Variants in COL9A3 observed in about 807,000 individuals in gnomAD.
The protein encoded by COL9A3 is collagen alpha-3(IX) chain.
COL9A3 carries 82 observed loss-of-function variants against 110.2 expected under a neutral mutation model. The ratio of observed to expected loss-of-function variants is 0.74; its 90% CI spans 0.62 to 0.89. The LOEUF (loss-of-function observed/expected upper bound fraction) is 0.89, where lower values mean the gene tolerates loss of function less well. Ranked by LOEUF, COL9A3 falls within the 40% of genes least tolerant of loss-of-function variation. The pLI is 0.00. For missense variants in COL9A3, 1,066 were observed against 981.3 expected (o/e 1.09, Z -1.15); for synonymous variants, 494 against 403.8 (o/e 1.22, Z -2.68).
rs1041780127 is a variant in COL9A3, at chr20:62,821,319, C to T, written c.345+103C>T. 1.8e-5 allele frequency: 24 copies of T among 1,357,040 alleles called. No individual in the cohort carries two copies. The African/African-American group carries it at 2.3e-4, about 13-fold the overall frequency. 84.1% of individuals were successfully genotyped at this position (1,357,040 alleles called of 1,614,324 possible). ...CAGGAATCCCAGGGACCATCCCTGG[C>T]CCTCTCATCTGCAGCCTCTCCGGAG... On this transcript the variant is annotated intron_variant, in intron 6 of 31. Transcript: ENST00000649368.
upstream of COL9A3, among the ~76,000 whole-genome samples, chr20:62,816,887 A>AG (rs1298851798): frequency 6.7e-6 from 1 of 150,126 alleles, no homozygotes; most frequent in African/African-American, 2.4e-5. Flanking sequence ...GTTTTCGCCC[A>AG]GGCGGGCTGG....
chr20:62,817,693 C>T (rs1346627739), intron 2 of COL9A3, 58 bp downstream of exon 2: 5 of 1,159,462 alleles, frequency 4.3e-6, no homozygotes, highest in Admixed American at 2.6e-5. Flanking sequence ...CTGGCCCCCA[C>T]CTCCCTGAGC....
rs1237922275 is a variant in COL9A3, at chr20:62,835,903, C to G, written c.1369-18C>G. 3.1e-6 allele frequency: 5 copies of G among 1,614,086 alleles called. No individual in the cohort carries two copies. In the Admixed American group the frequency reaches 8.3e-5, roughly 27 times the overall value. ...CAACAATACACTTAGTTCAAACACA[C>G]AACTTTTCTCTTCACAGGGTCCCAG... On this transcript the variant is annotated intron_variant, in intron 26 of 31. Coordinates refer to ENST00000649368, the MANE Select transcript of COL9A3 (RefSeq NM_001853.4).
In COL9A3 at chr20:62,829,750, C is replaced by A. The variant is rs1024952241; in HGVS notation, c.1108-16C>A. On this transcript the variant is annotated splice_polypyrimidine_tract_variant and intron_variant, in intron 21 of 31. Transcript: ENST00000649368. ...GTGCAGACCCTGCCCTGACACCCTC[C>A]TTCCTTTCCCTGTAGGGAGATGCTG... 1.3e-6 allele frequency: 2 copies of A among 1,591,724 alleles called. No individual in the cohort carries two copies. The highest frequency in any genetic ancestry group is 1.7e-6 in the Non-Finnish European group (2 of 1,169,630).
rs1568746186 is a variant in COL9A3, at chr20:62,817,577, TC to T, written c.93del (p.Gly32AlafsTer56). 2 of 1,545,562 alleles carry T rather than the reference TC, an allele frequency of 1.3e-6. No homozygotes were observed. Among genetic ancestry groups the T allele is most frequent in the Admixed American group, 2.0e-5 (1 of 50,958 alleles). On this transcript the variant is annotated frameshift_variant, in exon 2 of 32. Transcript: ENST00000649368. LOFTEE classifies it high-confidence loss of function. ...LAAAGAQRVG[L>X]PGPPGPPGPP... is the part of the protein sequence containing the mutation. ...TTTTCTCCGTTTCAGAGAGTGGGAC[TC>T]CCCGGCCCCCCCGGCCCCCCAGGGC... is the stretch of plus-strand genomic sequence containing the variant.
chr20:62,840,685 G>A lies in COL9A3; in HGVS notation c.2008G>A (p.Ala670Thr), dbSNP rs754589981. Reference protein sequence around the residue: ...GICDTSACQGAVLGGVGEKSG... With the variant: ...GICDTSACQGTVLGGVGEKSG... Reference sequence around the variant, plus strand: ...CTGCGACACCTCAGCCTGCCAAGGAGCCGTGTTAGGAGGGGTCGGGGAGAA... The same window carrying A: ...CTGCGACACCTCAGCCTGCCAAGGAACCGTGTTAGGAGGGGTCGGGGAGAA... Residue 670 changes from alanine to threonine, a missense_variant, in exon 32 of 32, where the codon GCC (alanine) becomes ACC (threonine). Ala to Thr is a moderately conservative substitution (Grantham distance 58, BLOSUM62 0). Coordinates refer to ENST00000649368, the MANE Select transcript of COL9A3 (RefSeq NM_001853.4). 71 of 1,600,808 alleles carry A rather than the reference G, an allele frequency of 4.4e-5. No individual in the cohort carries two copies. The highest frequency in any genetic ancestry group is 5.7e-5 in the Non-Finnish European group (67 of 1,173,986).
chr20:62,817,035 C>A (rs960001175), upstream of COL9A3: 2 of 1,219,226 alleles, frequency 1.6e-6, no homozygotes, highest in Non-Finnish European at 2.0e-6. Flanking sequence ...GCCGCCCGCC[C>A]CGACGCCGCA....
At chr20:62,825,750 T>C (rs1474258665) in intron 12 of COL9A3, 67 bp from the exon 13 acceptor site, 23 of 1,493,936 alleles carry the variant, frequency 1.5e-5, no homozygotes, top group Non-Finnish European at 1.8e-5. Flanking sequence ...GTAGGGTGAC[T>C]GGAGGCACCG....
chr20:62,825,828 C>G lies in COL9A3; in HGVS notation c.642C>G (p.Gly214=). The G allele has an allele frequency of 6.4e-7, 1 of 1,554,538 alleles. No homozygotes were observed. Among genetic ancestry groups the G allele is most frequent in the Non-Finnish European group, 8.7e-7 (1 of 1,148,866 alleles). The part of the protein sequence containing the change: ...VGKDGEKGDP[G]PPGPAGLPGS... Reference sequence around the variant, plus strand: ...CCCCTCTGTTTCAGGGTGACCCTGGCCCCCCTGGGCCCGCCGGCCTCCCGG... The same window carrying G: ...CCCCTCTGTTTCAGGGTGACCCTGGGCCCCCTGGGCCCGCCGGCCTCCCGG... The change falls in exon 13 of 32, where the codon GGC becomes GGG. Residue 214 remains glycine, a synonymous_variant. Coordinates refer to ENST00000649368, the MANE Select transcript of COL9A3 (RefSeq NM_001853.4).
chr20:62,819,861 A>G (rs879402256), intron 4 of COL9A3, 68 bp from the exon 5 acceptor site: 59 of 1,586,306 alleles, frequency 3.7e-5, no homozygotes, highest in Non-Finnish European at 4.8e-5. Flanking sequence ...CCGTGCTTCC[A>G]TTTTTGCCTG....
At position 62,837,117 on chromosome 20, in the gene COL9A3, G is replaced by A. The variant is rs1180759490; in HGVS notation, c.1638G>A (p.Lys546=). Residue 546 remains lysine (K), a synonymous_variant, in exon 30 of 32, where the codon AAG becomes AAA. Transcript: ENST00000649368. ...CACAGTTAGCCGCGCACCTAAGGAA[G>A]CCTTTGGCACCCGGGTCCATTGGTC... ...QIAQLAAHLR[K]PLAPGSIGRP... 1 of 1,613,512 alleles carries A rather than the reference G, an allele frequency of 6.2e-7. No individual in the cohort carries two copies. The highest frequency in any genetic ancestry group is 8.5e-7 in the Non-Finnish European group (1 of 1,180,026).
rs569052539 is a variant in COL9A3 at position 62,840,834 on chromosome 20, G to A, written c.*102G>A. On this transcript the variant is annotated 3_prime_UTR_variant, in exon 32 of 32. Coordinates refer to ENST00000649368, the MANE Select transcript of COL9A3 (RefSeq NM_001853.4). ...GCGGGTGACGTCCAGGAGAGGGAGC[G>A]CCCCTGGCTGCCCCTCGGCCGCCGA... is the stretch of plus-strand genomic sequence containing the variant. 167 of 1,349,282 alleles carry A rather than the reference G, an allele frequency of 1.2e-4. 1 individual carries two copies. In the African/African-American group the frequency reaches 1.7e-3, roughly 14 times the overall value. The allele number at this position is 1,349,282 out of a possible 1,614,324, so 83.6% of individuals were successfully genotyped here. A position where few individuals can be genotyped will look rare whatever the true frequency, so the allele number is the denominator to read the frequency against.
Position 62,829,879 on chromosome 20 carries a change from C to G in COL9A3, c.1161+60C>G, listed in dbSNP as rs1237116406. On this transcript the variant is annotated intron_variant, in intron 22 of 31. Transcript: ENST00000649368. ...AGCACTGAGCCATTGGCACATGGCCCCAGTTTCTGAGCAGGCCGGGGTGGC... is the reference window on the plus strand; with the variant it reads ...AGCACTGAGCCATTGGCACATGGCCGCAGTTTCTGAGCAGGCCGGGGTGGC... The G allele has an allele frequency of 2.0e-6, 3 of 1,526,844 alleles. No individual in the cohort carries two copies. In the African/African-American group the frequency reaches 4.1e-5, roughly 21 times the overall value. The allele number at this position is 1,526,844 out of a possible 1,614,324, so 94.6% of individuals were successfully genotyped here. A position where few individuals can be genotyped will look rare whatever the true frequency, so the allele number is the denominator to read the frequency against.
chr20:62,830,637 G>A (rs1264935153), intron 24 of COL9A3, 49 bp downstream of exon 24: 2 of 985,226 alleles, frequency 2.0e-6, no homozygotes, highest in African/African-American at 4.0e-5. Flanking sequence ...CTCTACCCAT[G>A]TACCACAGTC....
At chr20:62,839,682 TCC>T (rs2063660277) in intron 31 of COL9A3, among the ~76,000 whole-genome samples, 1 of 111,878 alleles carries the variant, frequency 8.9e-6, no homozygotes, top group Non-Finnish European at 1.8e-5. Flanking sequence ...ACCCCACCTC[TCC>T]CTGGGTGCCC....
chr20:62,837,177 A>AC lies in COL9A3; in HGVS notation c.1703dup (p.Gly569ArgfsTer32). On this transcript the variant is annotated frameshift_variant, in exon 30 of 32. Transcript: ENST00000649368. LOFTEE classifies it high-confidence loss of function. ...CAGCTGGCCCCCCTGGGCCCCCAGG[A>AC]CCCCCAGGCTCCATTGGTCACCCTG... is the stretch of plus-strand genomic sequence containing the variant. 6.2e-7 allele frequency: 1 copy of AC among 1,612,010 alleles called. No homozygotes were observed. The highest frequency in any genetic ancestry group is 1.3e-5 in the African/African-American group (1 of 74,894).
intron 26 of COL9A3, among the ~76,000 whole-genome samples, chr20:62,833,850 C>T (rs568501806): frequency 5.0e-4 from 75 of 151,186 alleles, no homozygotes; most frequent in African/African-American, 1.8e-3. Flanking sequence ...GGCCCTCCCA[C>T]AGTCGACTAA....
chr20:62,834,215 G>A (rs949394484), intron 26 of COL9A3, among the ~76,000 whole-genome samples: 28 of 152,042 alleles, frequency 1.8e-4, no homozygotes, highest in African/African-American at 6.5e-4. Context: ...TCACCATGTC[G>A]GCCAGGCTGG....
chr20:62,827,854 T>C (rs974876212), intron 16 of COL9A3, 69 bp from the exon 17 acceptor site: 2 of 1,543,486 alleles, frequency 1.3e-6, no homozygotes, highest in Non-Finnish European at 1.8e-6. Flanking sequence ...CCCGAGCAGC[T>C]GGCCGGAGAA....
Sources: gnomAD v4.1 joint callset for allele counts (sites outside exome capture counted in the v4.1 genomes callset) on GRCh38, gnomAD v4.1.1 for gene constraint, MANE v1.5 for transcripts, NCBI Gene and HGNC (gene_info 2026-07-23, HGNC 2026-07-21) for gene names.